The following BRI3 variants were observed in gnomAD, a reference collection of about 807,000 sequenced individuals.
The protein encoded by BRI3 is membrane protein BRI3.
A neutral mutation model predicts 12.8 loss-of-function variants in BRI3; 6 were observed. The ratio of observed to expected loss-of-function variants is 0.47; its 90% confidence interval spans 0.26 to 0.93. The LOEUF is 0.93. BRI3 is among the 40% of genes least tolerant of loss of function. BRI3 has a pLI of 0.15. For missense variants in BRI3, 134 were observed against 171.1 expected (o/e 0.78, Z 1.21); for synonymous variants, 91 against 76.1 (o/e 1.20, Z -1.02).
exon 2 of BRI3, chr7:98,307,527 T>A (rs1036717723): frequency 2.1e-6 from 3 of 1,451,620 alleles, no homozygotes; most frequent in Non-Finnish European, 2.7e-6. Flanking sequence ...ATACAGAAAA[T>A]AGCCTGGGAT....
exon 1 of BRI3, chr7:98,306,530 G>A: frequency 6.2e-7 from 1 of 1,614,112 alleles, no homozygotes; most frequent in Non-Finnish European, 8.5e-7. Context: ...CCGGCAAAGA[G>A]GGAGAAAAGA....
chr7:98,318,433 C>T, the BRI3 span, among the ~76,000 whole-genome samples: 1 of 151,806 alleles, frequency 6.6e-6, no homozygotes, highest in Admixed American at 6.6e-5. Context: ...GGATTACAGG[C>T]GCACACAACC....
At chr7:98,318,301 T>C in the BRI3 span, among the ~76,000 whole-genome samples, 1 of 152,136 alleles carries the variant, frequency 6.6e-6, no homozygotes, top group East Asian at 1.9e-4. Flanking sequence ...CCACCCAAAG[T>C]CTCAAAGTTC....
the BRI3 span, chr7:98,323,384 A>G: frequency 6.6e-6 from 1 of 152,238 alleles, no homozygotes; most frequent in Non-Finnish European, 1.5e-5. Flanking sequence ...ATTCTTGGCA[A>G]AGGAGATCTA....
chr7:98,307,984 G>C, exon 2 of BRI3: 2 of 1,268,542 alleles, frequency 1.6e-6, no homozygotes, highest in Non-Finnish European at 2.3e-6. Flanking sequence ...GAATCCACCT[G>C]TTCTCATCTT....
chr7:98,293,656 A>G, downstream of BRI3: 2 of 1,524,518 alleles, frequency 1.3e-6, no homozygotes, highest in East Asian at 4.5e-5. Context: ...CTGGATTTTA[A>G]CAGTGCTAAT....
At chr7:98,317,147 C>T in the BRI3 span, 14 of 1,597,402 alleles carry the variant, frequency 8.8e-6, no homozygotes, top group Non-Finnish European at 1.2e-5. Flanking sequence ...GCCACCGCAC[C>T]CGGCTAACCT....
exon 2 of BRI3, chr7:98,308,663 A>G (rs556813125): frequency 4.3e-6 from 1 of 233,486 alleles, no homozygotes; most frequent in East Asian, 9.5e-5. Context: ...AAAAGGTAGA[A>G]AAAAATATAT....
the BRI3 span, among the ~76,000 whole-genome samples, chr7:98,316,990 G>C: frequency 6.7e-6 from 1 of 149,424 alleles, no homozygotes; most frequent in Non-Finnish European, 1.5e-5. Context: ...CAGCCTCCGA[G>C]TAGCTGTGAC....
downstream of BRI3, chr7:98,294,065 C>G: frequency 6.2e-7 from 1 of 1,613,852 alleles, no homozygotes; most frequent in Non-Finnish European, 8.5e-7. Context: ...CGTAGGAAGC[C>G]ACGCCTACCT....
At chr7:98,313,508 C>T (rs985421495), downstream of BRI3, among the ~76,000 whole-genome samples, 2 of 151,640 alleles carry the variant, frequency 1.3e-5, no homozygotes, top group African/African-American at 4.9e-5. Flanking sequence ...GATGCCCTCA[C>T]TCTGGGAAGA....
chr7:98,303,981 T>G (rs1800530772), upstream of BRI3, among the ~76,000 whole-genome samples: 2 of 152,092 alleles, frequency 1.3e-5, no homozygotes, highest in African/African-American at 4.8e-5. Context: ...AGAGTCCACA[T>G]GAAAGAAGGG....
At chr7:98,283,603 G>A (rs532917562) in intron 2 of BRI3, among the ~76,000 whole-genome samples, 22 of 152,302 alleles carry the variant, frequency 1.4e-4, no homozygotes, top group African/African-American at 4.6e-4. Flanking sequence ...CACCGGGTTG[G>A]GGGGCTGGCA....
chr7:98,308,547 G>A (rs1421610468), exon 2 of BRI3: 1 of 345,056 alleles, frequency 2.9e-6, no homozygotes, highest in Non-Finnish European at 5.8e-6. Flanking sequence ...GGCTGGGCCA[G>A]GAACCAGCTA....
downstream of BRI3, chr7:98,292,284 A>C (rs552964815): frequency 8.9e-5 from 27 of 304,412 alleles, no homozygotes; most frequent in African/African-American, 5.4e-4. Context: ...GTGCAGCAGC[A>C]TGATCTGGCT....
At chr7:98,317,225 T>A in the BRI3 span, 2 of 1,614,222 alleles carry the variant, frequency 1.2e-6, no homozygotes, top group Middle Eastern at 1.6e-4. Flanking sequence ...TCACCTCAAT[T>A]TCTTTGTGTT....
intron 2 of BRI3, among the ~76,000 whole-genome samples, chr7:98,287,874 C>T (rs1799763250): frequency 6.6e-6 from 1 of 152,218 alleles, no homozygotes; most frequent in Non-Finnish European, 1.5e-5. Flanking sequence ...AGCCGGGCTC[C>T]CCACCCACAC....
intron 1 of BRI3, among the ~76,000 whole-genome samples, chr7:98,300,913 G>A (rs574740018): frequency 2.0e-5 from 3 of 152,136 alleles, no homozygotes; most frequent in Non-Finnish European, 2.9e-5. Context: ...TGGCTCCGAC[G>A]CTTTCCTCCT....
chr7:98,323,374 A>G, the BRI3 span: 3 of 152,248 alleles, frequency 2.0e-5, no homozygotes, highest in African/African-American at 7.2e-5. Context: ...CAGACACTCT[A>G]TTCTTGGCAA....
Sources: gnomAD v4.1 joint callset for allele counts (sites outside exome capture counted in the v4.1 genomes callset) on GRCh38, gnomAD v4.1.1 for gene constraint, MANE v1.5 for transcripts, NCBI Gene and HGNC (gene_info 2026-07-23, HGNC 2026-07-21) for gene names.